Variants in EDA2R observed in about 807,000 individuals in gnomAD.
EDA2R encodes ectodysplasin A2 receptor, also known as tumor necrosis factor receptor superfamily member 27.
In EDA2R, 26 loss-of-function variants were observed where a neutral mutation model predicts 20.1. The ratio of observed to expected loss-of-function variants is 1.30; its 90% CI spans 0.95 to 1.80. EDA2R has a LOEUF of 1.80. Among genes scored for constraint, EDA2R ranks in the 40% most tolerant of loss-of-function variants. The pLI is 0.00. For synonymous variants in EDA2R, 114 were observed against 88.7 expected (o/e 1.29, Z -1.60); for missense variants, 277 against 228.7 (o/e 1.21, Z -1.36).
chrX:66,626,053 C>T (rs955228323), intron 1 of EDA2R, among the ~76,000 whole-genome samples: 5 of 111,347 alleles, frequency 4.5e-5, no homozygotes, highest in East Asian at 2.8e-4. Context: ...ACAGAGCCTA[C>T]GCAAATGAGA....
At chrX:66,599,966 C>G (rs1928251428) in intron 5 of EDA2R, 106 bp from the exon 6 acceptor site, 1 of 1,133,328 alleles carries the variant, frequency 8.8e-7, no homozygotes. Context: ...GGAGCTGATT[C>G]TTTCCTTCCT....
intron 2 of EDA2R, among the ~76,000 whole-genome samples, chrX:66,613,476 C>G (rs1460759992): frequency 9.0e-6 from 1 of 110,901 alleles, no homozygotes; most frequent in African/African-American, 3.3e-5. Flanking sequence ...AAAAGTAAAA[C>G]CAAAATTCTC....
intron 5 of EDA2R, among the ~76,000 whole-genome samples, chrX:66,601,458 G>A (rs1387640064): frequency 9.0e-6 from 1 of 111,608 alleles, no homozygotes; most frequent in Non-Finnish European, 1.9e-5. Flanking sequence ...GTATCCTGCA[G>A]CCCATGAAAT....
chrX:66,625,855 C>T (rs1424495407), intron 1 of EDA2R, among the ~76,000 whole-genome samples: 1 of 111,970 alleles, frequency 8.9e-6, no homozygotes, highest in East Asian at 2.8e-4. Context: ...TGCAGACAAC[C>T]CCCAGTACCA....
chrX:66,617,728 A>C (rs772072961), intron 1 of EDA2R, among the ~76,000 whole-genome samples: 1 of 110,530 alleles, frequency 9.0e-6, no homozygotes, highest in Non-Finnish European at 1.9e-5. Flanking sequence ...ATGTGTCCTA[A>C]ACCCCAACAT....
chrX:66,628,658 C>T (rs1933385438), intron 1 of EDA2R, among the ~76,000 whole-genome samples: 2 of 105,069 alleles, frequency 1.9e-5, no homozygotes, highest in African/African-American at 7.0e-5. Flanking sequence ...ATATCCTGAA[C>T]AGACCAATAA....
Position 66,605,328 on chromosome X carries a change from A to T in EDA2R, c.88-102T>A, listed in dbSNP as rs138650307. Reference sequence around the variant, plus strand: ...TACAGGGTAGTATTTTGCAACTTGCAACCCCATTACTAAGTCATAAAACCA... The same window carrying T: ...TACAGGGTAGTATTTTGCAACTTGCTACCCCATTACTAAGTCATAAAACCA... On this transcript the variant is annotated intron_variant, in intron 2 of 6. Transcript: ENST00000374719. The T allele has an allele frequency of 3.6e-3, 2,639 of 725,102 alleles. 126 individuals carry two copies. The Admixed American group carries it at 0.092, about 25-fold the overall frequency. 59.8% of individuals were successfully genotyped at this position (725,102 alleles called of 1,213,427 possible).
chrX:66,607,999 A>C (rs1172441434), intron 2 of EDA2R, among the ~76,000 whole-genome samples: 1 of 112,349 alleles, frequency 8.9e-6, no homozygotes, highest in Non-Finnish European at 1.9e-5. Context: ...CAAATGTATA[A>C]ACAAAGTGAG....
chrX:66,597,269 G>A lies in EDA2R; in HGVS notation c.*835C>T, dbSNP rs981919144. The stretch of plus-strand genomic sequence containing the variant: ...AATTGAGAAAGAATCAAAGGGGAAC[G>A]GTGGTGAGAAAGCTGGGATTGAATT... On this transcript the variant is annotated 3_prime_UTR_variant, in exon 7 of 7. Transcript: ENST00000374719. 2 of 112,092 alleles carry A rather than the reference G, an allele frequency of 1.8e-5. No individual in the cohort carries two copies. Among genetic ancestry groups the A allele is most frequent in the East Asian group, 2.8e-4 (1 of 3,566 alleles). 9.2% of individuals were successfully genotyped at this position (112,092 alleles called of 1,213,427 possible). A position where few individuals can be genotyped will look rare whatever the true frequency, so the allele number is the denominator to read the frequency against.
chrX:66,597,727 A>C lies in EDA2R; in HGVS notation c.*377T>G. ...GGAGAAGGGTTTGATTTTGTCCCTA[A>C]AGTGCTAGGTAGATGTGCCAACACA... On this transcript the variant is annotated 3_prime_UTR_variant, in exon 7 of 7. Coordinates refer to ENST00000374719, the MANE Select transcript of EDA2R (RefSeq NM_021783.5). 4 of 140,096 alleles carry C rather than the reference A, an allele frequency of 2.9e-5. No individual in the cohort carries two copies. The South Asian group carries it at 8.0e-4, about 28-fold the overall frequency. The allele number at this position is 140,096 out of a possible 1,213,427, so 11.5% of individuals were successfully genotyped here.
At position 66,599,477 on chromosome X, in the gene EDA2R, A is replaced by G. The variant is rs1473865374; in HGVS notation, c.*7T>C. 1.8e-6 allele frequency: 2 copies of G among 1,141,686 alleles called. No individual in the cohort carries two copies. Among genetic ancestry groups the G allele is most frequent in the East Asian group, 6.3e-5 (2 of 31,695 alleles). 94.1% of individuals were successfully genotyped at this position (1,141,686 alleles called of 1,213,427 possible). A position where few individuals can be genotyped will look rare whatever the true frequency, so the allele number is the denominator to read the frequency against. On this transcript the variant is annotated 3_prime_UTR_variant, in exon 6 of 7. Transcript: ENST00000374719. ...CTGATCCACCTTTCCAGCTCACCTCATTAGAGTTAAGGGCTGGGAACTTCA... is the reference window on the plus strand; with the variant it reads ...CTGATCCACCTTTCCAGCTCACCTCGTTAGAGTTAAGGGCTGGGAACTTCA...
rs749216567 is a variant in EDA2R at position 66,599,718 on chromosome X, G to A, written c.660C>T (p.Asp220=). 4.7e-5 allele frequency: 57 copies of A among 1,207,892 alleles called. No homozygotes were observed. The highest frequency in any genetic ancestry group is 4.6e-4 in the Middle Eastern group (2 of 4,360). Residue 220 remains aspartate, a synonymous_variant, in exon 6 of 7, where the codon GAC becomes GAT. Transcript: ENST00000374719. The stretch of plus-strand genomic sequence containing the variant: ...GGAAGCCACTAGTCGAGCTGCAGTC[G>A]TCCTCGAGGATAGGGTTAAGTGGCT... ...QTQPLNPILE[D]DCSSTSGFPT...
chrX:66,616,040 G>A lies in EDA2R; in HGVS notation c.-10-10C>T, dbSNP rs373550390. On this transcript the variant is annotated splice_polypyrimidine_tract_variant and intron_variant, in intron 1 of 6. Coordinates refer to ENST00000374719, the MANE Select transcript of EDA2R (RefSeq NM_021783.5). ...ATCCATGGTGGGAAGGCTGTGGGTA[G>A]AGAACACAAGAACTAGCAAGCTAGT... is the stretch of plus-strand genomic sequence containing the variant. 1 of 1,144,689 alleles carries A rather than the reference G, an allele frequency of 8.7e-7. No homozygotes were observed. The highest frequency in any genetic ancestry group is 1.2e-6 in the Non-Finnish European group (1 of 835,959). 94.3% of individuals were successfully genotyped at this position (1,144,689 alleles called of 1,213,427 possible). A position where few individuals can be genotyped will look rare whatever the true frequency, so the allele number is the denominator to read the frequency against.
intron 1 of EDA2R, among the ~76,000 whole-genome samples, chrX:66,633,617 G>A (rs1008424613): frequency 8.6e-4 from 96 of 111,574 alleles, no homozygotes; most frequent in African/African-American, 2.9e-3. Context: ...TTGGAGACAA[G>A]CCCCAAGCCA....
intron 2 of EDA2R, among the ~76,000 whole-genome samples, chrX:66,611,740 G>T (rs934385768): frequency 5.4e-5 from 6 of 110,743 alleles, no homozygotes; most frequent in Non-Finnish European, 9.5e-5. Flanking sequence ...CTTATGAAAA[G>T]AAAATTTTTT....
At chrX:66,629,057 A>G (rs1182880405) in intron 1 of EDA2R, among the ~76,000 whole-genome samples, 1 of 112,102 alleles carries the variant, frequency 8.9e-6, no homozygotes, top group African/African-American at 3.2e-5. Flanking sequence ...AATAAATGTG[A>G]TATACCCCAT....
intron 2 of EDA2R, among the ~76,000 whole-genome samples, chrX:66,606,203 G>T (rs1185975578): frequency 3.6e-5 from 4 of 112,149 alleles, no homozygotes; most frequent in African/African-American, 1.3e-4. Context: ...CATATTAATT[G>T]TATGCTAGTT....
chrX:66,620,368 G>T (rs1350867539), intron 1 of EDA2R, among the ~76,000 whole-genome samples: 1 of 111,456 alleles, frequency 9.0e-6, no homozygotes, highest in Non-Finnish European at 1.9e-5. Flanking sequence ...TCAAAGAAGG[G>T]TGTTGGGGAA....
intron 2 of EDA2R, 51 bp from the exon 3 acceptor site, chrX:66,605,277 G>T: frequency 8.9e-7 from 1 of 1,127,511 alleles, no homozygotes; most frequent in Non-Finnish European, 1.2e-6. Context: ...CTTGGAGATG[G>T]GATCACCTGT....
Sources: gnomAD v4.1 joint callset for allele counts (sites outside exome capture counted in the v4.1 genomes callset) on GRCh38, gnomAD v4.1.1 for gene constraint, MANE v1.5 for transcripts, NCBI Gene and HGNC (gene_info 2026-07-23, HGNC 2026-07-21) for gene names.